The following NRXN3 variants were observed in gnomAD, a reference collection of about 807,000 sequenced individuals.
NRXN3 encodes the protein neurexin III.
NRXN3 carries 32 observed loss-of-function variants against 137.6 expected under a neutral mutation model. The ratio of observed to expected loss-of-function variants is 0.23; its 90% confidence interval spans 0.18 to 0.31. The LOEUF (loss-of-function observed/expected upper bound fraction) is 0.31, where lower values mean the gene tolerates loss of function less well. Among genes scored for constraint, NRXN3 ranks in the 10% least tolerant of loss-of-function variants. NRXN3 has a pLI of 1.00. For missense variants in NRXN3, 1,574 were observed against 2,062.5 expected, an observed-to-expected ratio of 0.76 and a Z score of 4.59; for synonymous variants, 798 against 784.5, an observed-to-expected ratio of 1.02 and a Z score of -0.29.
At chr14:79,694,331 A>G (rs2098727021) in intron 18 of NRXN3, among the ~76,000 whole-genome samples, 1 of 151,974 alleles carries the variant, frequency 6.6e-6, no homozygotes, top group Admixed American at 6.6e-5. Context: ...GGAGACATGC[A>G]AAGATTTAAT....
intron 4 of NRXN3, among the ~76,000 whole-genome samples, chr14:78,350,441 G>A (rs2083335742): frequency 6.6e-6 from 1 of 152,110 alleles, no homozygotes; most frequent in South Asian, 2.1e-4. Context: ...ACAAAAGCAT[G>A]TAGGAGTTGG....
intron 20 of NRXN3, among the ~76,000 whole-genome samples, chr14:79,849,260 T>C (rs1394641176): frequency 6.6e-6 from 1 of 152,144 alleles, no homozygotes; most frequent in East Asian, 1.9e-4. Context: ...CTTTAAGAAG[T>C]ATACATCTAA....
chr14:79,461,929 G>A lies in NRXN3; in HGVS notation c.3263-5292G>A, dbSNP rs137930992. Among the ~76,000 whole-genome samples the A allele has an allele frequency of 6.6e-3, 999 of 152,282 alleles. 39 individuals carry two copies. The highest frequency in any genetic ancestry group is 2.6e-3 in the Non-Finnish European group (178 of 68,014). Reference sequence around the variant, plus strand: ...ACTAAGTCCTGAGGCAATGATCAAAGAGAACTAGAGCAGGAGACTGACATC... The same window carrying A: ...ACTAAGTCCTGAGGCAATGATCAAAAAGAACTAGAGCAGGAGACTGACATC... On this transcript the variant is annotated intron_variant, in intron 15 of 20. Transcript: ENST00000335750.
intron 20 of NRXN3, among the ~76,000 whole-genome samples, chr14:79,841,840 C>T (rs1054875182): frequency 6.6e-6 from 1 of 152,134 alleles, no homozygotes; most frequent in African/African-American, 2.4e-5. Flanking sequence ...TTTCTTAAGC[C>T]AGCTGTGGAT....
chr14:79,179,544 G>A (rs568708204), intron 15 of NRXN3, among the ~76,000 whole-genome samples: 10 of 152,216 alleles, frequency 6.6e-5, no homozygotes, highest in Admixed American at 4.6e-4. Flanking sequence ...TCTAGGGGAG[G>A]AACCCAGCAA....
intron 15 of NRXN3, among the ~76,000 whole-genome samples, chr14:79,024,909 C>A (rs1405561798): frequency 2.0e-5 from 3 of 152,122 alleles, no homozygotes; most frequent in Non-Finnish European, 4.4e-5. Flanking sequence ...TCTAACACAA[C>A]AGTCCAAAAA....
At chr14:79,798,108 A>G (rs2099166518) in intron 19 of NRXN3, among the ~76,000 whole-genome samples, 1 of 152,042 alleles carries the variant, frequency 6.6e-6, no homozygotes, top group Admixed American at 6.6e-5. Context: ...CTCAAGGAAA[A>G]AAAAAAAAAA....
chr14:78,618,584 C>T (rs566256683), intron 4 of NRXN3, among the ~76,000 whole-genome samples: 5 of 152,304 alleles, frequency 3.3e-5, no homozygotes, highest in South Asian at 2.1e-4. Flanking sequence ...GAAGTGCACA[C>T]GCTGAGCATC....
chr14:79,184,231 A>C (rs1236978598), intron 15 of NRXN3, among the ~76,000 whole-genome samples: 1 of 152,234 alleles, frequency 6.6e-6, no homozygotes, highest in African/African-American at 2.4e-5. Flanking sequence ...CAAGATATGA[A>C]ATCTACAGTG....
chr14:79,262,756 A>G (rs1268478260), intron 15 of NRXN3, among the ~76,000 whole-genome samples: 1 of 152,196 alleles, frequency 6.6e-6, no homozygotes, highest in Non-Finnish European at 1.5e-5. Context: ...AAGCAAAGAG[A>G]GAGTTCTGCA....
chr14:78,358,436 T>A (rs1001030364), intron 4 of NRXN3, among the ~76,000 whole-genome samples: 13 of 152,206 alleles, frequency 8.5e-5, no homozygotes, highest in Admixed American at 2.0e-4. Context: ...CATGTCTCTC[T>A]GTTGCTGATT....
intron 2 of NRXN3, among the ~76,000 whole-genome samples, chr14:78,252,394 A>G (rs1175084566): frequency 6.6e-6 from 1 of 152,216 alleles, no homozygotes; most frequent in Non-Finnish European, 1.5e-5. Context: ...ACTGTAGGCA[A>G]TGTAAAGCTC....
At chr14:79,130,610 C>T (rs1441488822) in intron 15 of NRXN3, among the ~76,000 whole-genome samples, 1 of 152,116 alleles carries the variant, frequency 6.6e-6, no homozygotes, top group African/African-American at 2.4e-5. Flanking sequence ...CTGCCCTTAA[C>T]ATTTTTTCCA....
At chr14:79,811,581 CTTTTTTT>C (rs370942970) in intron 20 of NRXN3, among the ~76,000 whole-genome samples, 53 of 116,610 alleles carry the variant, frequency 4.5e-4, no homozygotes, top group Middle Eastern at 5.1e-3. Context: ...TTTCTTTTTT[CTTTTTTT>C]TTTTTTTTTT....
At chr14:78,304,327 C>T (rs147926707) in intron 4 of NRXN3, among the ~76,000 whole-genome samples, 60 of 152,294 alleles carry the variant, frequency 3.9e-4, no homozygotes, top group African/African-American at 1.4e-3. Context: ...AGGACTATGC[C>T]TCAGATGTTG....
chr14:79,362,804 C>T (rs576169684), intron 15 of NRXN3, among the ~76,000 whole-genome samples: 117 of 152,300 alleles, frequency 7.7e-4, no homozygotes, highest in African/African-American at 2.7e-3. Flanking sequence ...CCAGCAGGCA[C>T]GATAAGTTTA....
At chr14:78,562,872 G>C (rs1211555039) in intron 4 of NRXN3, among the ~76,000 whole-genome samples, 1 of 152,226 alleles carries the variant, frequency 6.6e-6, no homozygotes, top group Admixed American at 6.5e-5. Flanking sequence ...GTCTAACAAA[G>C]AGTGTAAATA....
chr14:79,649,757 T>C (rs960799350), intron 16 of NRXN3, among the ~76,000 whole-genome samples: 1 of 152,236 alleles, frequency 6.6e-6, no homozygotes, highest in East Asian at 1.9e-4. Context: ...ATAGTTTCAA[T>C]CTTCTAAACT....
In NRXN3 at chr14:78,818,712, C is replaced by T. The variant is rs749764602; in HGVS notation, c.2275+8368C>T. On this transcript the variant is annotated intron_variant, in intron 10 of 20. Coordinates refer to ENST00000335750, the MANE Select transcript of NRXN3 (RefSeq NM_001330195.2). ...CATTCACTTATTCCATGGACATTTA[C>T]TGAGAGTAAGCAGAGTTCCAAGAGC... Among the ~76,000 whole-genome samples the T allele has an allele frequency of 7.6e-4, 115 of 152,216 alleles. 1 individual carries two copies. Among genetic ancestry groups the T allele is most frequent in the Non-Finnish European group, 2.1e-4 (14 of 68,000 alleles).
Sources: allele counts gnomAD v4.1 joint callset (sites outside exome capture counted in the v4.1 genomes callset), GRCh38; gene constraint gnomAD v4.1.1; transcripts MANE v1.5; gene names NCBI Gene and HGNC (gene_info 2026-07-23, HGNC 2026-07-21).